Variants in NFAT5 observed in about 807,000 individuals in gnomAD.
The protein encoded by NFAT5 is nuclear factor of activated T cells 5.
Under a neutral mutation model 166.5 loss-of-function variants are expected in NFAT5, and 31 were observed. The observed-to-expected ratio is 0.19, with a 90% confidence interval of 0.14 to 0.25. The LOEUF (loss-of-function observed/expected upper bound fraction) is 0.25. Among genes scored for constraint, NFAT5 ranks in the 10% least tolerant of loss-of-function variants. The pLI, the probability that NFAT5 is intolerant of heterozygous loss-of-function variation, is 1.00. For missense variants in NFAT5, 1,449 were observed against 1,821.8 expected (o/e 0.80, Z 3.72); for synonymous variants, 612 against 639.7 (o/e 0.96, Z 0.65).
At chr16:69,571,270 C>T (rs1031466966) in intron 2 of NFAT5, among the ~76,000 whole-genome samples, 3 of 151,436 alleles carry the variant, frequency 2.0e-5, no homozygotes, top group African/African-American at 7.3e-5. Context: ...CTCTACTGAA[C>T]TCCAGCCTGG....
chr16:69,627,514 A>G (rs1372586995), intron 3 of NFAT5, among the ~76,000 whole-genome samples: 1 of 152,092 alleles, frequency 6.6e-6, no homozygotes, highest in Non-Finnish European at 1.5e-5. Context: ...TGAGAACAGT[A>G]AAGTGTAAGG....
At chr16:69,683,824 T>C (rs2037171416) in intron 10 of NFAT5, among the ~76,000 whole-genome samples, 1 of 151,242 alleles carries the variant, frequency 6.6e-6, no homozygotes, top group East Asian at 1.9e-4. Context: ...TGGCAGCCAG[T>C]GCGGTGGCTC....
At chr16:69,580,117 A>G (rs1301670934) in intron 2 of NFAT5, among the ~76,000 whole-genome samples, 6 of 152,308 alleles carry the variant, frequency 3.9e-5, no homozygotes, top group African/African-American at 7.2e-5. Flanking sequence ...ACATTACATT[A>G]CATATTAATG....
chr16:69,694,306 T>C, intron 13 of NFAT5, 67 bp downstream of exon 13: 1 of 1,266,450 alleles, frequency 7.9e-7, no homozygotes, highest in Non-Finnish European at 1.1e-6. Context: ...CAGAGTGCAG[T>C]GGTGCGATCT....
In NFAT5 at chr16:69,575,374, G is replaced by T. The variant is rs570963087; in HGVS notation, c.127+6826G>T. Among the ~76,000 whole-genome samples, 17 of 152,124 alleles carry T rather than the reference G, an allele frequency of 1.1e-4. No homozygotes were observed. In the East Asian group the frequency reaches 3.3e-3, roughly 29 times the overall value. On this transcript the variant is annotated intron_variant, in intron 2 of 14. Transcript: ENST00000349945. The stretch of plus-strand genomic sequence containing the variant: ...GTAGAGACAGGGTTTCACCTTATTG[G>T]TCAGGCTGGTCTTGAATTCCTGACC...
intron 9 of NFAT5, among the ~76,000 whole-genome samples, chr16:69,671,928 A>C (rs2036637118): frequency 6.6e-6 from 1 of 152,220 alleles, no homozygotes; most frequent in Admixed American, 6.5e-5. Context: ...TTTGGTCTTC[A>C]CTTCCACAAG....
At chr16:69,649,135 T>C (rs1427954372) in intron 4 of NFAT5, 13 of 890,726 alleles carry the variant, frequency 1.5e-5, no homozygotes, top group African/African-American at 1.8e-5. Context: ...CTATTACTTA[T>C]AAAATAAGGC....
At chr16:69,659,253 C>T (rs1438749416) in intron 6 of NFAT5, among the ~76,000 whole-genome samples, 1 of 151,698 alleles carries the variant, frequency 6.6e-6, no homozygotes, top group Non-Finnish European at 1.5e-5. Flanking sequence ...ACCGGCCTGG[C>T]CAACATGGTG....
At chr16:69,620,477 T>C (rs934473837) in intron 2 of NFAT5, among the ~76,000 whole-genome samples, 1 of 152,192 alleles carries the variant, frequency 6.6e-6, no homozygotes, top group African/African-American at 2.4e-5. Context: ...CTCACGCCTG[T>C]AATTCTAGCA....
At chr16:69,568,874 A>G (rs2016269442) in intron 2 of NFAT5, among the ~76,000 whole-genome samples, 1 of 152,246 alleles carries the variant, frequency 6.6e-6, no homozygotes, top group Non-Finnish European at 1.5e-5. Context: ...CCAAACATTA[A>G]CATGAATATA....
At chr16:69,688,444 C>G (rs1363223780) in intron 11 of NFAT5, among the ~76,000 whole-genome samples, 7 of 151,938 alleles carry the variant, frequency 4.6e-5, no homozygotes, top group Non-Finnish European at 8.8e-5. Context: ...GGCGTGGTCT[C>G]GGCTTACTGC....
intron 3 of NFAT5, chr16:69,646,609 A>G: frequency 1.0e-6 from 1 of 969,372 alleles, no homozygotes; most frequent in Non-Finnish European, 1.4e-6. Context: ...TTTTGTGGCT[A>G]AGCACAGTCC....
chr16:69,668,964 A>T (rs953021314), intron 7 of NFAT5, among the ~76,000 whole-genome samples: 4 of 151,960 alleles, frequency 2.6e-5, no homozygotes, highest in Admixed American at 2.6e-4. Flanking sequence ...TGCAGTCATG[A>T]CTCACTGCAG....
At chr16:69,648,076 T>C (rs2035517235) in intron 4 of NFAT5, 2 of 254,204 alleles carry the variant, frequency 7.9e-6, no homozygotes, top group African/African-American at 4.7e-5. Flanking sequence ...TTGGGAGAAC[T>C]GAGGCAGGGG....
At position 69,688,593 on chromosome 16, in the gene NFAT5, T is replaced by C. The variant is rs572634679; in HGVS notation, c.1775-2347T>C. On this transcript the variant is annotated intron_variant, in intron 11 of 14. Coordinates refer to ENST00000349945, the MANE Select transcript of NFAT5 (RefSeq NM_138713.4). ...CACCATGTTGGTCAGGCTGGCGAAC[T>C]CCTGACCTCGTGGTCCACCCACCTC... Among the ~76,000 whole-genome samples the C allele has an allele frequency of 5.3e-4, 81 of 152,166 alleles. No homozygotes were observed. In the South Asian group the frequency reaches 6.0e-3, roughly 11 times the overall value.
intron 2 of NFAT5, among the ~76,000 whole-genome samples, chr16:69,588,513 C>CACTTGTTT (rs1555518891): frequency 5.3e-5 from 8 of 151,548 alleles, no homozygotes; most frequent in African/African-American, 1.9e-4. Context: ...GTTCTCACCA[C>CACTTGTTT]ACTTATTTGT....
intron 2 of NFAT5, among the ~76,000 whole-genome samples, chr16:69,605,375 G>C (rs573619398): frequency 6.6e-6 from 1 of 152,278 alleles, no homozygotes; most frequent in Non-Finnish European, 1.5e-5. Context: ...AGGAGGCGGA[G>C]GTTGCAGTGA....
Position 69,667,190 on chromosome 16 carries a change from G to T in NFAT5, c.1370-2787G>T, listed in dbSNP as rs1272956861. Among the ~76,000 whole-genome samples, 12 of 108,054 alleles carry T rather than the reference G, an allele frequency of 1.1e-4. 1 individual carries two copies. The highest frequency in any genetic ancestry group is 3.5e-4 in the African/African-American group (10 of 28,410). The allele number at this position is 108,054 out of a possible 152,430, so 70.9% of individuals were successfully genotyped here. ...ACGGTTGTGGGGTGGGGGGAGGGGG[G>T]AGGGATAGCACTGGGAGATATACCT... On this transcript the variant is annotated intron_variant, in intron 7 of 14. Coordinates refer to ENST00000349945, the MANE Select transcript of NFAT5 (RefSeq NM_138713.4).
chr16:69,605,383 T>C (rs540924833), intron 2 of NFAT5, among the ~76,000 whole-genome samples: 5 of 152,308 alleles, frequency 3.3e-5, no homozygotes, highest in Admixed American at 3.3e-4. Flanking sequence ...GAGGTTGCAG[T>C]GAGCCAAGAT....
Sources: allele counts gnomAD v4.1 joint callset (sites outside exome capture counted in the v4.1 genomes callset), GRCh38; gene constraint gnomAD v4.1.1; transcripts MANE v1.5; gene names NCBI Gene and HGNC (gene_info 2026-07-23, HGNC 2026-07-21).